The following CLASP1 variants were observed in gnomAD, a reference collection of about 807,000 sequenced individuals.
CLASP1 encodes CLIP-associating protein 1.
A neutral mutation model predicts 192.3 loss-of-function variants in CLASP1; 38 were observed. That is an observed-to-expected ratio of 0.20 (90% CI 0.15 to 0.26). The LOEUF (loss-of-function observed/expected upper bound fraction) is 0.26. Among genes scored for constraint, CLASP1 ranks in the 10% least tolerant of loss-of-function variants. The pLI is 1.00. For missense variants in CLASP1, 1,433 were observed against 1,932.5 expected (o/e 0.74, Z 4.85); for synonymous variants, 691 against 712.8 (o/e 0.97, Z 0.49).
At position 121,458,984 on chromosome 2, in the gene CLASP1, A is replaced by C. The variant is rs776794119; in HGVS notation, c.1179-9T>G. The C allele has an allele frequency of 1.1e-5, 17 of 1,597,054 alleles. No homozygotes were observed. Among genetic ancestry groups the C allele is most frequent in the Non-Finnish European group, 1.4e-5 (16 of 1,172,638 alleles). ...GAACTGATGACAGATGCCTAAAACA[A>C]GAAAAGGATACTGGACTATAGTTAT... On this transcript the variant is annotated splice_polypyrimidine_tract_variant and intron_variant, in intron 12 of 39. Transcript: ENST00000263710.
chr2:121,492,469 C>T (rs922261221), intron 8 of CLASP1, among the ~76,000 whole-genome samples: 5 of 141,424 alleles, frequency 3.5e-5, no homozygotes, highest in African/African-American at 1.3e-4. Context: ...ATCTGCAAAT[C>T]ATATACAGTT....
At chr2:121,442,921 G>C (rs747239849) in intron 19 of CLASP1, among the ~76,000 whole-genome samples, 7 of 152,150 alleles carry the variant, frequency 4.6e-5, no homozygotes, top group Non-Finnish European at 1.0e-4. Flanking sequence ...AACTCGTATT[G>C]AAAAGGCACC....
In CLASP1 at chr2:121,423,733, T is replaced by C. The variant is rs146576497; in HGVS notation, c.2212+1406A>G. ...GTATCCACATCAACACCCAAATAAC[T>C]TGTCAGCTAAGAGACCACACTACGC... On this transcript the variant is annotated intron_variant, in intron 22 of 39. Coordinates refer to ENST00000263710, the Ensembl canonical transcript of CLASP1. Among the ~76,000 whole-genome samples, 182 of 152,300 alleles carry C rather than the reference T, an allele frequency of 1.2e-3. 1 individual carries two copies. The highest frequency in any genetic ancestry group is 3.3e-3 in the Admixed American group (51 of 15,298).
At chr2:121,445,443 T>C (rs1357606615) in intron 19 of CLASP1, 2 of 1,288,848 alleles carry the variant, frequency 1.6e-6, no homozygotes, top group Non-Finnish European at 2.0e-6. Flanking sequence ...CTGTCGAGCA[T>C]GGTACCTGAG....
chr2:121,564,097 C>A (rs2105334641), intron 2 of CLASP1, among the ~76,000 whole-genome samples: 1 of 152,288 alleles, frequency 6.6e-6, no homozygotes, highest in East Asian at 1.9e-4. Flanking sequence ...CCCACTAGGT[C>A]CCACTTGCAA....
At chr2:121,438,562 C>G (rs1252818606) in intron 19 of CLASP1, among the ~76,000 whole-genome samples, 1 of 152,152 alleles carries the variant, frequency 6.6e-6, no homozygotes, top group Non-Finnish European at 1.5e-5. Flanking sequence ...AATAACTAAG[C>G]CCTTTTCTGC....
intron 19 of CLASP1, among the ~76,000 whole-genome samples, chr2:121,440,264 T>C (rs999703210): frequency 6.6e-6 from 1 of 152,172 alleles, no homozygotes; most frequent in Non-Finnish European, 1.5e-5. Context: ...ATATATTTAT[T>C]TTATAGGAAA....
rs761873166 is a variant in CLASP1, at chr2:121,442,481, C to CTTTTTTTTTTTT, written c.1912+4844_1912+4855dup. The stretch of plus-strand genomic sequence containing the variant: ...TCAAACGTACTGCCTAAATTTCTTT[C>CTTTTTTTTTTTT]TTTTTTTTTTTTTGAGACGGAGTCT... On this transcript the variant is annotated intron_variant, in intron 19 of 39. Transcript: ENST00000263710. Among the ~76,000 whole-genome samples the CTTTTTTTTTTTT allele has an allele frequency of 1.5e-4, 22 of 144,446 alleles. No homozygotes were observed. In the East Asian group the frequency reaches 2.1e-3, roughly 13 times the overall value. The allele number at this position is 144,446 out of a possible 152,430, so 94.8% of individuals were successfully genotyped here. A position where few individuals can be genotyped will look rare whatever the true frequency, so the allele number is the denominator to read the frequency against.
At chr2:121,478,842 CA>C (rs1213307041) in intron 8 of CLASP1, among the ~76,000 whole-genome samples, 33 of 80,406 alleles carry the variant, frequency 4.1e-4, no homozygotes, top group African/African-American at 1.7e-3. Flanking sequence ...ACACACCACA[CA>C]CACACCACAC....
chr2:121,492,389 CAAAAAAA>C (rs761378692), intron 8 of CLASP1, among the ~76,000 whole-genome samples: 45 of 37,934 alleles, frequency 1.2e-3, no homozygotes, highest in East Asian at 2.5e-3. Context: ...ACTCCCTCTC[CAAAAAAA>C]AAAAAAAAAA....
exon 38 of CLASP1, chr2:121,348,704 A>G: frequency 6.2e-7 from 1 of 1,606,300 alleles, no homozygotes; most frequent in South Asian, 1.1e-5. Context: ...CAGCCTCCTC[A>G]GCCGCTCTCA....
chr2:121,457,480 C>A (rs2086944455), intron 14 of CLASP1, among the ~76,000 whole-genome samples: 2 of 151,850 alleles, frequency 1.3e-5, no homozygotes, highest in Non-Finnish European at 2.9e-5. Context: ...CACACACACA[C>A]ACACACACAG....
chr2:121,647,255 C>T (rs1048061034), intron 1 of CLASP1, among the ~76,000 whole-genome samples: 2 of 152,040 alleles, frequency 1.3e-5, no homozygotes, highest in African/African-American at 4.8e-5. Context: ...GTAATCCCAG[C>T]TACTCAGGCG....
intron 2 of CLASP1, among the ~76,000 whole-genome samples, chr2:121,577,743 G>A (rs1474310594): frequency 6.6e-6 from 1 of 152,102 alleles, no homozygotes; most frequent in Non-Finnish European, 1.5e-5. Flanking sequence ...AATACTGAAA[G>A]CAATTATCAC....
chr2:121,540,664 T>A (rs1396704956), intron 2 of CLASP1, among the ~76,000 whole-genome samples: 4 of 151,838 alleles, frequency 2.6e-5, no homozygotes, highest in Admixed American at 2.0e-4. Context: ...GGCATGCGCC[T>A]GTCATCCCAG....
intron 1 of CLASP1, among the ~76,000 whole-genome samples, chr2:121,611,380 C>T (rs1291077158): frequency 1.5e-4 from 18 of 120,388 alleles, no homozygotes; most frequent in African/African-American, 5.6e-4. Flanking sequence ...GGAGGAGTTA[C>T]AGGAGAAAGA....
At chr2:121,581,804 G>A (rs1037040641) in intron 2 of CLASP1, among the ~76,000 whole-genome samples, 3 of 152,222 alleles carry the variant, frequency 2.0e-5, no homozygotes, top group African/African-American at 7.2e-5. Context: ...AAGATTGCTT[G>A]AGCCCGGAAG....
intron 6 of CLASP1, among the ~76,000 whole-genome samples, chr2:121,522,637 T>A (rs2104587011): frequency 6.6e-6 from 1 of 152,344 alleles, no homozygotes; most frequent in South Asian, 2.1e-4. Context: ...GTACTACTTT[T>A]GTTTTTCGGT....
intron 30 of CLASP1, among the ~76,000 whole-genome samples, chr2:121,391,442 C>T (rs1377459464): frequency 6.6e-6 from 1 of 152,156 alleles, no homozygotes; most frequent in Non-Finnish European, 1.5e-5. Context: ...CATTTGGCTT[C>T]TTAGATAAAA....
Sources: allele counts gnomAD v4.1 joint callset (sites outside exome capture counted in the v4.1 genomes callset), GRCh38; gene constraint gnomAD v4.1.1; transcripts MANE v1.5; gene names NCBI Gene and HGNC (gene_info 2026-07-23, HGNC 2026-07-21).